Variants in KDM4C observed in about 807,000 individuals in gnomAD.
KDM4C encodes lysine-specific demethylase 4C.
Under a neutral mutation model 129.3 loss-of-function variants are expected in KDM4C, and 81 were observed. That is an observed-to-expected ratio of 0.63 (90% CI 0.52 to 0.75). KDM4C has a LOEUF of 0.75. KDM4C is among the 30% of genes least tolerant of loss of function. KDM4C has a pLI of 0.00. For synonymous variants in KDM4C, 573 were observed against 456.1 expected (o/e 1.26, Z -3.26); for missense variants, 1,457 against 1,304.0 (o/e 1.12, Z -1.81).
At chr9:7,044,625 A>G (rs1319727893) in intron 15 of KDM4C, among the ~76,000 whole-genome samples, 1 of 151,930 alleles carries the variant, frequency 6.6e-6, no homozygotes, top group Non-Finnish European at 1.5e-5. Flanking sequence ...CCAATGATGG[A>G]AAACAGTCGG....
At chr9:7,163,914 C>T (rs1156612448) in intron 19 of KDM4C, among the ~76,000 whole-genome samples, 2 of 152,170 alleles carry the variant, frequency 1.3e-5, no homozygotes, top group Non-Finnish European at 2.9e-5. Flanking sequence ...GGAAGCATAG[C>T]CTGCAGTTAG....
intron 4 of KDM4C, among the ~76,000 whole-genome samples, chr9:6,834,197 C>T (rs545767944): frequency 2.6e-5 from 4 of 152,108 alleles, no homozygotes; most frequent in African/African-American, 9.6e-5. Context: ...CGCCACCATG[C>T]CCAGTTAATT....
intron 17 of KDM4C, among the ~76,000 whole-genome samples, chr9:7,065,064 A>G (rs1564069404): frequency 6.6e-6 from 1 of 152,254 alleles, no homozygotes; most frequent in Non-Finnish European, 1.5e-5. Context: ...CAATCAAAAC[A>G]TAATCTAACA....
rs151100770 is a variant in KDM4C, at chr9:6,862,229, A to C, written c.629+12529A>C. 2.9e-3 allele frequency among the ~76,000 whole-genome samples: 444 copies of C among 152,274 alleles called. 1 individual carries two copies. Among genetic ancestry groups the C allele is most frequent in the Non-Finnish European group, 4.9e-3 (335 of 68,026 alleles). ...GATATTATACTTGAGAAAGGACTTG[A>C]ATTAGTTGGGTTGCCTTTGTTGTCT... On this transcript the variant is annotated intron_variant, in intron 5 of 21. Coordinates refer to ENST00000381309, the MANE Select transcript of KDM4C (RefSeq NM_015061.6).
intron 8 of KDM4C, among the ~76,000 whole-genome samples, chr9:6,946,511 G>A (rs1425461348): frequency 6.6e-6 from 1 of 152,026 alleles, no homozygotes; most frequent in East Asian, 1.9e-4. Context: ...TCACAACTTG[G>A]TATTTGTATG....
intron 18 of KDM4C, among the ~76,000 whole-genome samples, chr9:7,126,354 T>C (rs1304356040): frequency 1.3e-5 from 2 of 152,228 alleles, no homozygotes; most frequent in Admixed American, 6.5e-5. Flanking sequence ...TGAATTGTCA[T>C]TTGTGTTAGT....
intron 1 of KDM4C, among the ~76,000 whole-genome samples, chr9:6,743,980 T>C (rs1169382199): frequency 6.6e-6 from 1 of 151,516 alleles, no homozygotes; most frequent in Non-Finnish European, 1.5e-5. Context: ...ACTCCTGGGC[T>C]CAAACAATCC....
rs192858842 is a variant in KDM4C at position 7,006,740 on chromosome 9, A to T, written c.1787-4958A>T. Among the ~76,000 whole-genome samples, 39 of 152,240 alleles carry T rather than the reference A, an allele frequency of 2.6e-4. No individual in the cohort carries two copies. The East Asian group carries it at 4.1e-3, about 16-fold the overall frequency. On this transcript the variant is annotated intron_variant, in intron 12 of 21. Coordinates refer to ENST00000381309, the MANE Select transcript of KDM4C (RefSeq NM_015061.6). ...GACTATTTTTAGGCCCTGCTTGCAT[A>T]GCTATTTCTACTACCTTTGTCCTCG...
At chr9:6,902,010 ACT>A (rs1337187530) in intron 8 of KDM4C, among the ~76,000 whole-genome samples, 20 of 151,960 alleles carry the variant, frequency 1.3e-4, no homozygotes, top group African/African-American at 4.8e-4. Context: ...TCTTCCTGTG[ACT>A]CTGGTGGATG....
At chr9:6,736,166 T>C (rs983826091) in intron 1 of KDM4C, among the ~76,000 whole-genome samples, 2 of 152,164 alleles carry the variant, frequency 1.3e-5, no homozygotes, top group African/African-American at 4.8e-5. Context: ...ACTTGGGTGC[T>C]GTTAAAGGCA....
intron 2 of KDM4C, among the ~76,000 whole-genome samples, chr9:6,805,096 T>G (rs1829722082): frequency 1.3e-5 from 2 of 152,130 alleles, no homozygotes; most frequent in Non-Finnish European, 2.9e-5. Flanking sequence ...AGGCGGGGTT[T>G]CACCATGTTA....
At chr9:6,986,798 A>G (rs1275209675) in intron 11 of KDM4C, 132 bp downstream of exon 11, 9 of 635,524 alleles carry the variant, frequency 1.4e-5, no homozygotes, top group South Asian at 2.7e-5. Flanking sequence ...GGTCTTAATC[A>G]TATTCATTCA....
chr9:6,747,502 C>T (rs916016417), intron 1 of KDM4C, among the ~76,000 whole-genome samples: 3 of 142,800 alleles, frequency 2.1e-5, no homozygotes, highest in Non-Finnish European at 3.0e-5. Flanking sequence ...GAGCCGAGAT[C>T]GCGCCACTGC....
chr9:6,882,801 T>TGTGCGC (rs1554624400), intron 6 of KDM4C, among the ~76,000 whole-genome samples: 22 of 134,318 alleles, frequency 1.6e-4, no homozygotes, highest in Admixed American at 3.0e-4. Context: ...TGTGTGTGTG[T>TGTGCGC]GTGTGCGCGT....
At chr9:6,917,225 A>C (rs543998133) in intron 8 of KDM4C, among the ~76,000 whole-genome samples, 4 of 152,066 alleles carry the variant, frequency 2.6e-5, no homozygotes, top group African/African-American at 4.8e-5. Flanking sequence ...TAATATGAGC[A>C]CCATATAGGT....
chr9:6,778,348 C>A (rs1342995285), intron 1 of KDM4C, among the ~76,000 whole-genome samples: 9 of 151,662 alleles, frequency 5.9e-5, no homozygotes, highest in African/African-American at 2.2e-4. Context: ...CTTGGGCCTC[C>A]CAAAGTCCTG....
intron 21 of KDM4C, chr9:7,170,179 A>C (rs1844820365): frequency 8.7e-6 from 11 of 1,270,758 alleles, no homozygotes; most frequent in Non-Finnish European, 1.1e-5. Flanking sequence ...GCTCTGTGTA[A>C]AACACCAGGA....
At chr9:7,081,178 C>T (rs1834483502) in intron 17 of KDM4C, among the ~76,000 whole-genome samples, 1 of 152,166 alleles carries the variant, frequency 6.6e-6, no homozygotes, top group Admixed American at 6.5e-5. Context: ...TTAATGTTGT[C>T]AGTAAACCTG....
At chr9:6,727,242 GGAGTTC>G (rs1817161420) in intron 1 of KDM4C, 1 of 151,688 alleles carries the variant, frequency 6.6e-6, no homozygotes, top group African/African-American at 2.4e-5. Flanking sequence ...CCTGAGGTCA[GGAGTTC>G]GAGACCAGAC....
Sources: gnomAD v4.1 joint callset for allele counts (sites outside exome capture counted in the v4.1 genomes callset) on GRCh38, gnomAD v4.1.1 for gene constraint, MANE v1.5 for transcripts, NCBI Gene and HGNC (gene_info 2026-07-23, HGNC 2026-07-21) for gene names.